Variants in NCAPD3 observed in about 807,000 individuals in gnomAD.
NCAPD3 encodes condensin-2 complex subunit D3.
A neutral mutation model predicts 182.9 loss-of-function variants in NCAPD3; 105 were observed. The observed-to-expected ratio is 0.57, with a 90% confidence interval of 0.49 to 0.68. The LOEUF (loss-of-function observed/expected upper bound fraction) is 0.68, where lower values mean the gene tolerates loss of function less well. Ranked by LOEUF, NCAPD3 falls within the 30% of genes least tolerant of loss-of-function variation. The probability of loss-of-function intolerance (pLI) is 0.00; values close to 1 mark genes in which losing one functional copy is unlikely to be tolerated. For synonymous variants in NCAPD3, 815 were observed against 679.9 expected, an observed-to-expected ratio of 1.20 and a Z score of -3.09; for missense variants, 1,944 against 1,837.0, an observed-to-expected ratio of 1.06 and a Z score of -1.07.
At chr11:134,211,020 AAGAC>A (rs1184379901) in intron 3 of NCAPD3, among the ~76,000 whole-genome samples, 2 of 152,250 alleles carry the variant, frequency 1.3e-5, no homozygotes, top group African/African-American at 2.4e-5. Flanking sequence ...GTAAAATTCT[AAGAC>A]AGAGAGCAAA....
chr11:134,202,830 G>A lies in NCAPD3; in HGVS notation c.1601C>T (p.Thr534Ile). 1 of 1,605,296 alleles carries A rather than the reference G, an allele frequency of 6.2e-7. No individual in the cohort carries two copies. The highest frequency in any genetic ancestry group is 8.5e-7 in the Non-Finnish European group (1 of 1,176,472). The change falls in exon 13 of 35, where the codon ACA (threonine) becomes ATA (isoleucine). Residue 534 changes from threonine (T) to isoleucine (I), a missense_variant. Physicochemically the swap from Thr to Ile is moderately conservative, Grantham distance 89. Transcript: ENST00000534548. ...ATCTGACATACCTCCAGATCCAACT[G>A]TTTCACCACTGCTGTCTATGTTGAT... The part of the protein sequence containing the change: ...GEINIDSSGE[T>I]VGSGERCVMA...
chr11:134,204,577 A>T lies in NCAPD3; in HGVS notation c.1089+322T>A, dbSNP rs568426496. On this transcript the variant is annotated intron_variant, in intron 9 of 34. Transcript: ENST00000534548. This position sits in a 1 kb window ranked among gnomAD's most constrained non-coding sequence, Gnocchi z 4.3. The stretch of plus-strand genomic sequence containing the variant: ...CTTCAAAACACAATCCAGTATACAC[A>T]TGTTGGGGGATGTGGGGTAGGGGTT... Among the ~76,000 whole-genome samples, 1 of 152,302 alleles carries T rather than the reference A, an allele frequency of 6.6e-6. No individual in the cohort carries two copies. Among genetic ancestry groups the T allele is most frequent in the Non-Finnish European group, 1.5e-5 (1 of 68,006 alleles).
chr11:134,158,285 G>C, intron 30 of NCAPD3, 44 bp downstream of exon 30: 2 of 1,606,968 alleles, frequency 1.2e-6, no homozygotes. Context: ...TGAGAACATC[G>C]CCACAGAGAA....
At chr11:134,209,046 C>T in intron 6 of NCAPD3, 95 bp from the exon 7 acceptor site, 2 of 1,453,642 alleles carry the variant, frequency 1.4e-6, no homozygotes, top group South Asian at 2.4e-5. Context: ...TAAATTCTAC[C>T]TGTGTGCCAA....
At chr11:134,206,798 T>C (rs147116165) in intron 7 of NCAPD3, 66 bp from the exon 8 acceptor site, 5 of 1,517,878 alleles carry the variant, frequency 3.3e-6, no homozygotes, top group Non-Finnish European at 4.5e-6. Flanking sequence ...GACATAGTGA[T>C]GCAGACTGTA....
chr11:134,201,720 A>G (rs1944752989), intron 13 of NCAPD3, among the ~76,000 whole-genome samples: 1 of 152,242 alleles, frequency 6.6e-6, no homozygotes, highest in Admixed American at 6.5e-5. Context: ...TATTGCTTGA[A>G]AAAGTCTGTG....
chr11:134,223,126 T>C, intron 1 of NCAPD3: 1 of 395,760 alleles, frequency 2.5e-6, no homozygotes, highest in Non-Finnish European at 4.6e-6. Context: ...TGGTCATTTA[T>C]TTAGGAAACA....
rs766661812 is a variant in NCAPD3 at position 134,208,888 on chromosome 11, A to G, written c.858T>C (p.Ser286=). Residue 286 remains serine (S), a synonymous_variant, in exon 7 of 35, where the codon TCT becomes TCC. Coordinates refer to ENST00000534548, the MANE Select transcript of NCAPD3 (RefSeq NM_015261.3). ...CCTTATCTCCTTCTCCATGAATGGG[A>G]GAGCACAGCAAATACAATCCATAAT... The part of the protein sequence containing the change: ...LAYYGLYLLC[S]PIHGEGDKVI... 1.9e-6 allele frequency: 3 copies of G among 1,612,864 alleles called. No homozygotes were observed. Among genetic ancestry groups the G allele is most frequent in the Non-Finnish European group, 2.5e-6 (3 of 1,179,524 alleles).
At chr11:134,184,183 TA>T (rs1944351328) in intron 19 of NCAPD3, among the ~76,000 whole-genome samples, 1 of 152,228 alleles carries the variant, frequency 6.6e-6, no homozygotes, top group Non-Finnish European at 1.5e-5. Context: ...CAACAAGAGA[TA>T]TTTGAGTAGT....
chr11:134,152,281 C>T lies in NCAPD3; in HGVS notation c.*663G>A, dbSNP rs1943263862. The stretch of plus-strand genomic sequence containing the variant: ...TGTTAGGGAAAGCACACCGCCTCTG[C>T]CTGGGCACAGATGAACTGCCCTTCA... On this transcript the variant is annotated 3_prime_UTR_variant, in exon 35 of 35. Coordinates refer to ENST00000534548, the MANE Select transcript of NCAPD3 (RefSeq NM_015261.3). 6.6e-6 allele frequency among the ~76,000 whole-genome samples: 1 copy of T among 152,228 alleles called. No homozygotes were observed. Among genetic ancestry groups the T allele is most frequent in the African/African-American group, 2.4e-5 (1 of 41,454 alleles).
intron 2 of NCAPD3, among the ~76,000 whole-genome samples, chr11:134,218,993 C>T (rs959489276): frequency 6.6e-5 from 10 of 152,206 alleles, no homozygotes; most frequent in Admixed American, 4.6e-4. Context: ...ACATGCAGGA[C>T]GCTTAGAACA....
intron 31 of NCAPD3, among the ~76,000 whole-genome samples, chr11:134,157,456 T>C (rs956329290): frequency 6.6e-6 from 1 of 152,208 alleles, no homozygotes; most frequent in Non-Finnish European, 1.5e-5. Context: ...AGTATTTGTA[T>C]GGAAAAATTG....
In NCAPD3 at chr11:134,177,214, C is replaced by G. The variant is rs377147617; in HGVS notation, c.3021+5G>C. The G allele has an allele frequency of 6.2e-7, 1 of 1,604,826 alleles. No homozygotes were observed. Among genetic ancestry groups the G allele is most frequent in the Non-Finnish European group, 8.5e-7 (1 of 1,171,492 alleles). On this transcript the variant is annotated splice_donor_5th_base_variant and intron_variant, in intron 23 of 34. Transcript: ENST00000534548. Reference sequence around the variant, plus strand: ...GGAAAGGACAGATTGAACCCCCCTACGCACCTGCAAGAGATTGGTAAGCAA... The same window carrying G: ...GGAAAGGACAGATTGAACCCCCCTAGGCACCTGCAAGAGATTGGTAAGCAA...
chr11:134,193,768 T>C (rs553309320), intron 15 of NCAPD3, among the ~76,000 whole-genome samples: 7 of 152,166 alleles, frequency 4.6e-5, no homozygotes, highest in African/African-American at 7.2e-5. Flanking sequence ...ATAATAATAA[T>C]AACAATAAAG....
At chr11:134,193,914 T>C in intron 15 of NCAPD3, 102 bp downstream of exon 15, 2 of 1,250,744 alleles carry the variant, frequency 1.6e-6, no homozygotes, top group African/African-American at 1.5e-5. Flanking sequence ...CTTAGTAGAG[T>C]TTTTAAAGGT....
chr11:134,167,946 G>A, intron 27 of NCAPD3, 50 bp downstream of exon 27: 1 of 1,554,824 alleles, frequency 6.4e-7, no homozygotes, highest in South Asian at 1.2e-5. Context: ...GCTTAGGGGA[G>A]CAGCACACTC....
At chr11:134,161,994 A>G in intron 27 of NCAPD3, 103 bp from the exon 28 acceptor site, 1 of 606,954 alleles carries the variant, frequency 1.6e-6, no homozygotes, top group Admixed American at 3.5e-5. Flanking sequence ...CACACTATGT[A>G]AGTTTATTTT....
chr11:134,191,686 T>A (rs775577480), intron 16 of NCAPD3, among the ~76,000 whole-genome samples: 68 of 152,266 alleles, frequency 4.5e-4, no homozygotes, highest in Middle Eastern at 3.4e-3. Flanking sequence ...TAGACTCTAT[T>A]ATTAGCTAAA....
At chr11:134,186,491 T>A (rs925445825) in intron 16 of NCAPD3, among the ~76,000 whole-genome samples, 7 of 152,240 alleles carry the variant, frequency 4.6e-5, no homozygotes, top group Non-Finnish European at 7.3e-5. Flanking sequence ...GAGATTATAG[T>A]TGTGAGCCAC....
Sources: allele counts gnomAD v4.1 joint callset (sites outside exome capture counted in the v4.1 genomes callset), GRCh38; gene constraint gnomAD v4.1.1; non-coding constraint Gnocchi (gnomAD v3.1); transcripts MANE v1.5; gene names NCBI Gene and HGNC (gene_info 2026-07-23, HGNC 2026-07-21).